LRP1: variants seen among roughly 807,000 people sequenced by gnomAD.
LRP1 encodes the protein LDL receptor related protein 1.
A neutral mutation model predicts 541.5 loss-of-function variants in LRP1; 51 were observed. That is an observed-to-expected ratio of 0.09 (90% CI 0.08 to 0.12). LRP1 has a LOEUF of 0.12. Ranked by LOEUF, LRP1 falls within the 10% of genes least tolerant of loss-of-function variation. LRP1 has a pLI of 1.00. For missense variants in LRP1, 3,878 were observed against 6,376.2 expected (o/e 0.61, Z 13.34); for synonymous variants, 2,219 against 2,470.8 (o/e 0.90, Z 3.02).
rs1592660496 is a variant in LRP1 at position 57,204,360 on chromosome 12, T to G, written c.10952-50T>G. The G allele has an allele frequency of 6.8e-7, 1 of 1,480,630 alleles. No individual in the cohort carries two copies. Among genetic ancestry groups the G allele is most frequent in the Non-Finnish European group, 9.0e-7 (1 of 1,113,220 alleles). The allele number at this position is 1,480,630 out of a possible 1,614,324, so 91.7% of individuals were successfully genotyped here. ...GAACCCCCACCTGTGGAGACAGGGGTCTGGGTGGGCTCATGGCTCATTCTA... is the reference window on the plus strand; with the variant it reads ...GAACCCCCACCTGTGGAGACAGGGGGCTGGGTGGGCTCATGGCTCATTCTA... On this transcript the variant is annotated intron_variant, in intron 70 of 88. Coordinates refer to ENST00000243077, the MANE Select transcript of LRP1 (RefSeq NM_002332.3). This position sits in a 1 kb window ranked among gnomAD's most constrained non-coding sequence, Gnocchi z 5.3.
Position 57,210,377 on chromosome 12 carries a change from G to A in LRP1, c.12651G>A (p.Gln4217=). Residue 4217 remains glutamine (Q), a synonymous_variant, in exon 82 of 89, where the codon CAG becomes CAA. Coordinates refer to ENST00000243077, the MANE Select transcript of LRP1 (RefSeq NM_002332.3). ...GCTGTTTCCTCAATGCACGGAGGCA[G>A]CCCAAGTGCCGCTGCCAACCCCGCT... ...GGSCFLNARR[Q]PKCRCQPRYT... 6.2e-7 allele frequency: 1 copy of A among 1,606,106 alleles called. No individual in the cohort carries two copies. The highest frequency in any genetic ancestry group is 8.5e-7 in the Non-Finnish European group (1 of 1,175,380).
chr12:57,191,542 C>T (rs930345765), intron 44 of LRP1, 30 bp downstream of exon 44: 1 of 1,557,746 alleles, frequency 6.4e-7, no homozygotes, highest in African/African-American at 1.3e-5. Flanking sequence ...GCTGCCTCAC[C>T]CTCCTGCCTG....
At chr12:57,192,640 G>C (rs779462750) in intron 44 of LRP1, among the ~76,000 whole-genome samples, 1 of 152,122 alleles carries the variant, frequency 6.6e-6, no homozygotes, top group Non-Finnish European at 1.5e-5. Flanking sequence ...CATCCTCAAC[G>C]GCACACCTGC....
At chr12:57,210,005 TCC>T (rs749582740) in intron 80 of LRP1, 22 bp from the exon 81 acceptor site, 2 of 1,591,244 alleles carry the variant, frequency 1.3e-6, no homozygotes, top group South Asian at 2.3e-5. Context: ...CTCAGCATCC[TCC>T]CCACCCCACC....
intron 42 of LRP1, among the ~76,000 whole-genome samples, chr12:57,188,031 G>T (rs1293595860): frequency 6.6e-6 from 1 of 152,260 alleles, no homozygotes; most frequent in East Asian, 1.9e-4. Context: ...GCAAATTCAA[G>T]GCAGGGAGGA....
Position 57,199,321 on chromosome 12 carries a change from C to T in LRP1, c.9786C>T (p.Gly3262=), listed in dbSNP as rs1344533054. 1.2e-6 allele frequency: 2 copies of T among 1,613,522 alleles called. No homozygotes were observed. The highest frequency in any genetic ancestry group is 2.2e-5 in the South Asian group (2 of 91,080). The change falls in exon 61 of 89, where the codon GGC becomes GGT. Residue 3262 remains glycine (G), a synonymous_variant. Coordinates refer to ENST00000243077, the MANE Select transcript of LRP1 (RefSeq NM_002332.3). ...KSINRAHKTT[G]TNKTLLISTL... ...TTAACCGAGCCCACAAGACCACGGG[C>T]ACCAACAAAACGCTCCTCATCAGCA...
At chr12:57,194,754 T>C (rs933839445) in intron 50 of LRP1, 55 bp downstream of exon 50, 1 of 1,515,048 alleles carries the variant, frequency 6.6e-7, no homozygotes, top group Non-Finnish European at 8.8e-7. Flanking sequence ...GCCCCACTTC[T>C]TAGTCCCCCC....
chr12:57,191,919 CACTACACAT>C (rs1272624403), intron 44 of LRP1, among the ~76,000 whole-genome samples: 36 of 136,410 alleles, frequency 2.6e-4, no homozygotes, highest in South Asian at 9.7e-4. Context: ...CCACCACACA[CACTACACAT>C]ACCACACACA....
Position 57,178,726 on chromosome 12 carries a change from G to C in LRP1, c.4606+123G>C. 6.5e-7 allele frequency: 1 copy of C among 1,531,066 alleles called. No individual in the cohort carries two copies. The highest frequency in any genetic ancestry group is 8.9e-7 in the Non-Finnish European group (1 of 1,129,596). 94.8% of individuals were successfully genotyped at this position (1,531,066 alleles called of 1,614,324 possible). A position where few individuals can be genotyped will look rare whatever the true frequency, so the allele number is the denominator to read the frequency against. ...GCAAGTCTGTGCTGGGATGGCAGGG[G>C]TAGGCCGGCTGTTGACAGAGGCACT... is the stretch of plus-strand genomic sequence containing the variant. On this transcript the variant is annotated intron_variant, in intron 27 of 88. Transcript: ENST00000243077. The surrounding 1 kb of genome is among the most constrained non-coding windows in gnomAD (Gnocchi z 5.8).
chr12:57,170,808 C>T (rs1362962634), intron 20 of LRP1, among the ~76,000 whole-genome samples: 2 of 152,156 alleles, frequency 1.3e-5, no homozygotes, highest in African/African-American at 4.8e-5. Flanking sequence ...AGAATAAGAC[C>T]TTGTCTCAAA....
rs2036109281 is a variant in LRP1 at position 57,179,141 on chromosome 12, G to C, written c.4738+120G>C. ...AGTCGGGAGGGTCCCGATAGGAGAGGCTCCAGAGACAGCCACTGTGAGAAG... is the reference window on the plus strand; with the variant it reads ...AGTCGGGAGGGTCCCGATAGGAGAGCCTCCAGAGACAGCCACTGTGAGAAG... On this transcript the variant is annotated intron_variant, in intron 28 of 88. Transcript: ENST00000243077. The surrounding 1 kb of genome is among the most constrained non-coding windows in gnomAD (Gnocchi z 6.8). 7.1e-7 allele frequency: 1 copy of C among 1,399,682 alleles called. No individual in the cohort carries two copies. Among genetic ancestry groups the C allele is most frequent in the South Asian group, 1.4e-5 (1 of 72,820 alleles). 86.7% of individuals were successfully genotyped at this position (1,399,682 alleles called of 1,614,324 possible).
intron 34 of LRP1, 48 bp downstream of exon 34, chr12:57,181,339 G>A: frequency 6.3e-7 from 1 of 1,577,950 alleles, no homozygotes; most frequent in Non-Finnish European, 8.6e-7. Context: ...CCCCAACCCT[G>A]ACCCCTCCTA....
At position 57,158,334 on chromosome 12, in the gene LRP1, C is replaced by T. The variant is rs950977163; in HGVS notation, c.1562-68C>T. On this transcript the variant is annotated intron_variant, in intron 10 of 88. Transcript: ENST00000243077. This position sits in a 1 kb window ranked among gnomAD's most constrained non-coding sequence, Gnocchi z 5.3. Reference sequence around the variant, plus strand: ...AGCTAGGGCATTGCAGCCCCTTGGCCGCAGCCCCTGGGTGGGGATGATGGT... The same window carrying T: ...AGCTAGGGCATTGCAGCCCCTTGGCTGCAGCCCCTGGGTGGGGATGATGGT... The T allele has an allele frequency of 2.9e-5, 39 of 1,323,404 alleles. No individual in the cohort carries two copies. Among genetic ancestry groups the T allele is most frequent in the Middle Eastern group, 2.2e-4 (1 of 4,562 alleles). 82.0% of individuals were successfully genotyped at this position (1,323,404 alleles called of 1,614,324 possible). A position where few individuals can be genotyped will look rare whatever the true frequency, so the allele number is the denominator to read the frequency against.
chr12:57,210,756 C>T lies in LRP1; in HGVS notation c.12793C>T (p.Pro4265Ser). The change falls in exon 83 of 89, where the codon CCC becomes TCC. Residue 4265 changes from proline to serine, a missense_variant. Around this residue, in one of 13 missense-constraint regions of LRP1, gnomAD observed 871 missense variants for 1,212.4 expected, o/e 0.72. Transcript: ENST00000243077. ...CCGGTGCCCCACGGGCTTCACGGGC[C>T]CCAAATGCACCCAGCAGGTGTGTGC... ...TCRCPTGFTG[P>S]KCTQQVCAGY... 6.2e-7 allele frequency: 1 copy of T among 1,612,120 alleles called. No homozygotes were observed. Among genetic ancestry groups the T allele is most frequent in the African/African-American group, 1.3e-5 (1 of 75,024 alleles).
chr12:57,191,103 T>C, intron 43 of LRP1, 94 bp downstream of exon 43: 2 of 1,328,460 alleles, frequency 1.5e-6, no homozygotes, highest in Middle Eastern at 4.7e-4. Flanking sequence ...ACAGACATGG[T>C]GGGAACAGCT....
rs755339004 is a variant in LRP1 at position 57,196,161 on chromosome 12, G to C, written c.8776G>C (p.Gly2926Arg). Residue 2926 changes from glycine to arginine, a missense_variant, in exon 55 of 89, where the codon GGC (glycine) becomes CGC (arginine). Gly to Arg is a moderately radical substitution (Grantham distance 125). This residue lies in a region of LRP1 where 1,100 missense variants were observed against 1,827.4 expected (regional missense o/e 0.60). Transcript: ENST00000243077. ...RCVAEALLCN[G>R]QDDCGDSSDE... ...TGTGGCTGAGGCACTGCTCTGCAAC[G>C]GCCAGGATGACTGTGGCGACAGCTC... 1.8e-5 allele frequency: 29 copies of C among 1,612,782 alleles called. No homozygotes were observed. Among genetic ancestry groups the C allele is most frequent in the Non-Finnish European group, 2.4e-5 (28 of 1,179,474 alleles).
At chr12:57,190,718 G>A (rs1480729447) in intron 42 of LRP1, 87 bp from the exon 43 acceptor site, 3 of 1,275,474 alleles carry the variant, frequency 2.4e-6, no homozygotes, top group African/African-American at 2.9e-5. Context: ...AGGCTTCCAG[G>A]TTCCAGGTGC....
At position 57,201,655 on chromosome 12, in the gene LRP1, C is replaced by G. The variant is rs2036657891; in HGVS notation, c.10468+36C>G. 2 of 1,603,418 alleles carry G rather than the reference C, an allele frequency of 1.2e-6. No homozygotes were observed. Among genetic ancestry groups the G allele is most frequent in the African/African-American group, 2.7e-5 (2 of 74,774 alleles). On this transcript the variant is annotated intron_variant, in intron 66 of 88. Transcript: ENST00000243077. The surrounding 1 kb of genome is among the most constrained non-coding windows in gnomAD (Gnocchi z 6.4). ...TGGCCTGGAGCCCAGCTTCCCTCCC[C>G]AGTGTCTGCTGCTCACACCACCCCG...
At chr12:57,210,645 C>T (rs984571293) in intron 82 of LRP1, 73 bp from the exon 83 acceptor site, 15 of 1,531,360 alleles carry the variant, frequency 9.8e-6, no homozygotes, top group South Asian at 1.2e-5. Flanking sequence ...CAGGTCCCCC[C>T]AGCCCATTCC....
Sources: allele counts gnomAD v4.1 joint callset (sites outside exome capture counted in the v4.1 genomes callset), GRCh38; gene constraint gnomAD v4.1.1; regional missense constraint gnomAD v4.1.1; non-coding constraint Gnocchi (gnomAD v3.1); transcripts MANE v1.5; gene names NCBI Gene and HGNC (gene_info 2026-07-23, HGNC 2026-07-21).